PRKG1: variants seen among roughly 807,000 people sequenced by gnomAD.
PRKG1 encodes the protein protein kinase cGMP-dependent 1, also known as cGMP-dependent protein kinase 1.
PRKG1 carries 35 observed loss-of-function variants against 88.1 expected under a neutral mutation model. That is an observed-to-expected ratio of 0.40 (90% confidence interval 0.30 to 0.53). PRKG1 has a LOEUF of 0.53. PRKG1 is among the 20% of genes least tolerant of loss of function. The probability of loss-of-function intolerance (pLI) is 0.59; values close to 1 mark genes in which losing one functional copy is unlikely to be tolerated. For missense variants in PRKG1, 540 were observed against 839.8 expected (o/e 0.64, Z 4.41); for synonymous variants, 303 against 292.5 (o/e 1.04, Z -0.37).
At chr10:51,689,204 C>T (rs988585468) in intron 3 of PRKG1, among the ~76,000 whole-genome samples, 5 of 151,656 alleles carry the variant, frequency 3.3e-5, no homozygotes, top group Admixed American at 1.3e-4. Context: ...CAGACTAATA[C>T]ACCATCAAAC....
At chr10:52,129,222 C>G (rs1837188954) in intron 7 of PRKG1, among the ~76,000 whole-genome samples, 1 of 152,128 alleles carries the variant, frequency 6.6e-6, no homozygotes, top group Non-Finnish European at 1.5e-5. Flanking sequence ...ATAACATCTA[C>G]TGATAAAAAT....
intron 4 of PRKG1, among the ~76,000 whole-genome samples, chr10:51,865,078 A>G (rs543493107): frequency 6.6e-6 from 1 of 152,254 alleles, no homozygotes; most frequent in Non-Finnish European, 1.5e-5. Context: ...AGGATTTCAC[A>G]TTCTCAGAGA....
At chr10:51,838,008 CT>C (rs1840174369) in intron 4 of PRKG1, among the ~76,000 whole-genome samples, 1 of 152,058 alleles carries the variant, frequency 6.6e-6, no homozygotes, top group African/African-American at 2.4e-5. Context: ...CACTTTAGTC[CT>C]GACTCTTATC....
intron 5 of PRKG1, among the ~76,000 whole-genome samples, chr10:52,041,786 A>C (rs1845760395): frequency 6.6e-6 from 1 of 152,110 alleles, no homozygotes; most frequent in African/African-American, 2.4e-5. Context: ...ATTTCTTGTG[A>C]TCTTAAATAT....
At chr10:51,346,119 T>G (rs1053179875) in intron 2 of PRKG1, among the ~76,000 whole-genome samples, 2 of 152,236 alleles carry the variant, frequency 1.3e-5, no homozygotes, top group Non-Finnish European at 2.9e-5. Flanking sequence ...GACAGGCTTT[T>G]TGTTTGGTTT....
At chr10:51,706,650 A>G (rs1841611768) in intron 3 of PRKG1, among the ~76,000 whole-genome samples, 1 of 152,194 alleles carries the variant, frequency 6.6e-6, no homozygotes, top group Non-Finnish European at 1.5e-5. Flanking sequence ...CATCCAAACT[A>G]TACTCTCAGC....
At chr10:51,255,443 A>G (rs1839532498) in intron 2 of PRKG1, among the ~76,000 whole-genome samples, 1 of 152,092 alleles carries the variant, frequency 6.6e-6, no homozygotes, top group African/African-American at 2.4e-5. Flanking sequence ...GAACTATCTC[A>G]AACTGGCTTA....
intron 2 of PRKG1, among the ~76,000 whole-genome samples, chr10:51,364,730 T>G (rs1200605667): frequency 6.6e-6 from 1 of 151,854 alleles, no homozygotes; most frequent in Non-Finnish European, 1.5e-5. Flanking sequence ...ATCTGAGAAA[T>G]GTTTCATTTA....
At chr10:52,072,158 C>CTTTTTTTTTTTTTTTTTTTTTTTTTTG (rs60576406) in intron 7 of PRKG1, among the ~76,000 whole-genome samples, 1 of 39,556 alleles carries the variant, frequency 2.5e-5, no homozygotes, top group Non-Finnish European at 4.1e-5. Context: ...TATTGTTTTG[C>CTTTTTTTTTTTTTTTTTTTTTTTTTTG]TTTTTTTTTT....
rs140160114 is a variant in PRKG1 at position 51,027,999 on chromosome 10, T to C, written c.266+36355T>C. 1.6e-3 allele frequency among the ~76,000 whole-genome samples: 243 copies of C among 152,302 alleles called. 1 individual carries two copies. Among genetic ancestry groups the C allele is most frequent in the African/African-American group, 5.8e-3 (240 of 41,578 alleles). ...CTAGACAAAGACAAGGCATTTATCA[T>C]AGATAAACACACTGAGGCAGGGCTG... On this transcript the variant is annotated intron_variant, in intron 1 of 17. Coordinates refer to the PRKG1 transcript ENST00000401604.
intron 3 of PRKG1, among the ~76,000 whole-genome samples, chr10:51,583,682 G>T (rs1838100253): frequency 6.6e-6 from 1 of 151,984 alleles, no homozygotes; most frequent in African/African-American, 2.4e-5. Context: ...CAAATGTCAG[G>T]ATAATTTTGA....
intron 5 of PRKG1, among the ~76,000 whole-genome samples, chr10:51,989,990 C>G (rs975278433): frequency 1.3e-5 from 2 of 150,744 alleles, no homozygotes; most frequent in Non-Finnish European, 3.0e-5. Flanking sequence ...TGAGTTAATA[C>G]TTTTTTTTTA....
At chr10:51,284,001 C>G (rs1455446160) in intron 2 of PRKG1, among the ~76,000 whole-genome samples, 1 of 152,168 alleles carries the variant, frequency 6.6e-6, no homozygotes, top group Non-Finnish European at 1.5e-5. Flanking sequence ...GTAAACAGAA[C>G]TGTCTGCTAT....
At chr10:51,144,504 A>AT (rs1845894133) in intron 1 of PRKG1, among the ~76,000 whole-genome samples, 1 of 152,136 alleles carries the variant, frequency 6.6e-6, no homozygotes, top group Non-Finnish European at 1.5e-5. Context: ...GGTAATAATA[A>AT]ATATTAATAG....
intron 4 of PRKG1, among the ~76,000 whole-genome samples, chr10:51,828,324 A>G (rs1302116086): frequency 6.6e-6 from 1 of 152,120 alleles, no homozygotes; most frequent in Admixed American, 6.6e-5. Context: ...AAAAAATCAG[A>G]GACATTTTAA....
intron 4 of PRKG1, among the ~76,000 whole-genome samples, chr10:51,872,810 C>A (rs987108459): frequency 1.3e-5 from 2 of 151,896 alleles, no homozygotes; most frequent in Non-Finnish European, 2.9e-5. Flanking sequence ...ACTAGGTAAA[C>A]CATATGAAAT....
chr10:51,925,202 T>C, intron 5 of PRKG1, among the ~76,000 whole-genome samples: 1 of 6,396 alleles, frequency 1.6e-4, no homozygotes, highest in South Asian at 3.7e-3. Context: ...TGGGAGGTTT[T>C]TTTTTTGTCT....
At chr10:51,486,361 A>G (rs1840540913) in intron 3 of PRKG1, among the ~76,000 whole-genome samples, 1 of 152,040 alleles carries the variant, frequency 6.6e-6, no homozygotes, top group Non-Finnish European at 1.5e-5. Flanking sequence ...TGACTTTTGG[A>G]GGTTATGGAT....
At chr10:51,174,406 C>T (rs970170569) in intron 2 of PRKG1, among the ~76,000 whole-genome samples, 1 of 151,970 alleles carries the variant, frequency 6.6e-6, no homozygotes, top group African/African-American at 2.4e-5. Flanking sequence ...AAATATTTAA[C>T]TTTCTTCTCA....
Sources: gnomAD v4.1 joint callset for allele counts (sites outside exome capture counted in the v4.1 genomes callset) on GRCh38, gnomAD v4.1.1 for gene constraint, MANE v1.5 for transcripts, NCBI Gene and HGNC (gene_info 2026-07-23, HGNC 2026-07-21) for gene names.